The following SLC49A3 variants were observed in gnomAD, a reference collection of about 807,000 sequenced individuals.
SLC49A3 encodes solute carrier family 49 member A3.
SLC49A3 carries 50 observed loss-of-function variants against 43.8 expected under a neutral mutation model. The ratio of observed to expected loss-of-function variants is 1.14; its 90% CI spans 0.91 to 1.45. The LOEUF is 1.45. SLC49A3 is among the 40% of genes most tolerant of loss of function. SLC49A3 has a pLI of 0.00. For synonymous variants in SLC49A3, 413 were observed against 352.0 expected (o/e 1.17, Z -1.94); for missense variants, 906 against 774.1 (o/e 1.17, Z -2.02).
At chr4:681,631 TCCAGCGCCGCCCCGCCCC>T (rs1739589183), downstream of SLC49A3, among the ~76,000 whole-genome samples, 1 of 3,538 alleles carries the variant, frequency 2.8e-4, no homozygotes, top group Non-Finnish European at 6.7e-4. Flanking sequence ...CCCCGCCCCC[TCCAGCGCCGCCCCGCCCC>T]CTCCAGCGCC....
Position 682,073 on chromosome 4 carries a change from G to T in SLC49A3, c.1565C>A (p.Ala522Glu), listed in dbSNP as rs769425848. The change falls in exon 10 of 10, where the codon GCA (alanine) becomes GAA (glutamate). Residue 522 changes from alanine (A) to glutamate (E), a missense_variant. By Grantham distance (107) the Ala-to-Glu change is moderately radical. Coordinates refer to ENST00000322224, the MANE Select transcript of SLC49A3 (RefSeq NM_032219.4). ...HRATPRAQGP[A>E]ATDAPSRPGR... ...GGGGCGGGAGGGCGCGTCGGTGGCT[G>T]CTGGGCCTTGCGCACGGGGAGTCGC... 1 of 1,406,398 alleles carries T rather than the reference G, an allele frequency of 7.1e-7. No homozygotes were observed. The highest frequency in any genetic ancestry group is 2.7e-5 in the East Asian group (1 of 36,472). 87.1% of individuals were successfully genotyped at this position (1,406,398 alleles called of 1,614,324 possible). A position where few individuals can be genotyped will look rare whatever the true frequency, so the allele number is the denominator to read the frequency against.
At chr4:678,740 A>G (rs955492051), downstream of SLC49A3, 9 of 1,611,712 alleles carry the variant, frequency 5.6e-6, no homozygotes, top group African/African-American at 1.2e-4. Context: ...AACTTTGAGC[A>G]GACTCAGATC....
downstream of SLC49A3, chr4:678,044 G>A (rs748216275): frequency 5.6e-6 from 9 of 1,613,180 alleles, no homozygotes; most frequent in East Asian, 2.2e-5. Flanking sequence ...GCAGGCCGCC[G>A]TGCATGCCTG....
Position 685,136 on chromosome 4 carries a change from C to A in SLC49A3, c.586-280G>T, listed in dbSNP as rs951101439. On this transcript the variant is annotated intron_variant, in intron 4 of 9. Transcript: ENST00000322224. This position sits in a 1 kb window ranked among gnomAD's most constrained non-coding sequence, Gnocchi z 4.3. ...AGGCTCCAGACTTACATCTCACTGC[C>A]AGCTGCACAGCCCATGATAGGGCTC... The A allele has an allele frequency of 1.6e-5, 8 of 510,512 alleles. No individual in the cohort carries two copies. Among genetic ancestry groups the A allele is most frequent in the Non-Finnish European group, 2.1e-5 (6 of 288,820 alleles). 31.6% of individuals were successfully genotyped at this position (510,512 alleles called of 1,614,324 possible).
At chr4:676,909 G>A (rs1243848781), downstream of SLC49A3, 10 of 985,386 alleles carry the variant, frequency 1.0e-5, no homozygotes, top group Non-Finnish European at 1.2e-5. Flanking sequence ...AGAGGCCGCT[G>A]GACCTGGGGA....
At chr4:678,494 G>A (rs2109332595), downstream of SLC49A3, 4 of 1,439,768 alleles carry the variant, frequency 2.8e-6, no homozygotes, top group Non-Finnish European at 3.6e-6. Flanking sequence ...CCCAACCCCA[G>A]CTACCCAGGC....
upstream of SLC49A3, among the ~76,000 whole-genome samples, chr4:689,853 G>A (rs1166105256): frequency 6.6e-6 from 1 of 152,216 alleles, no homozygotes; most frequent in East Asian, 1.9e-4. Flanking sequence ...AGGGAGTTTC[G>A]GCTTAGTCTT....
chr4:687,659 G>C (rs1741323160), intron 1 of SLC49A3, among the ~76,000 whole-genome samples: 1 of 152,196 alleles, frequency 6.6e-6, no homozygotes, highest in Non-Finnish European at 1.5e-5. Context: ...AGCGTGCGGG[G>C]CAACGTGGGA....
Position 682,281 on chromosome 4 carries a change from C to G in SLC49A3, c.1357G>C (p.Gly453Arg). The G allele has an allele frequency of 1.5e-6, 2 of 1,353,346 alleles. No individual in the cohort carries two copies. The highest frequency in any genetic ancestry group is 1.9e-6 in the Non-Finnish European group (2 of 1,043,358). 83.8% of individuals were successfully genotyped at this position (1,353,346 alleles called of 1,614,324 possible). Reference sequence around the variant, plus strand: ...GCGTTACGGGTGGAGGGGGGCTCCCCAGACTCGGCCTGCAGGCGCCGGTAT... The same window carrying G: ...GCGTTACGGGTGGAGGGGGGCTCCCGAGACTCGGCCTGCAGGCGCCGGTAT... ...TPYRRLQAES[G>R]EPPSTRNAVG... is the part of the protein sequence containing the mutation. The change falls in exon 10 of 10, where the codon GGG becomes CGG. Residue 453 changes from glycine to arginine, a missense_variant. Transcript: ENST00000322224.
In SLC49A3 at chr4:686,546, C is replaced by T. The variant is rs759827121; in HGVS notation, c.280G>A (p.Gly94Arg). The T allele has an allele frequency of 1.2e-5, 20 of 1,612,508 alleles. No homozygotes were observed. The highest frequency in any genetic ancestry group is 1.0e-4 in the Admixed American group (6 of 60,000). Reference protein sequence around the residue: ...VAAIWILDSVGLRAATILGAW... With the variant: ...VAAIWILDSVRLRAATILGAW... ...GTCTGACTCACCGCCGCACGGAGCC[C>T]GACGGAGTCCAGGATCCAGATGGCC... Residue 94 changes from glycine (G) to arginine (R), a missense_variant, in exon 2 of 10, where the codon GGG becomes AGG. Gly to Arg is a moderately radical substitution (Grantham distance 125). Transcript: ENST00000322224.
rs749281318 is a variant in SLC49A3 at position 682,130 on chromosome 4, C to T, written c.1508G>A (p.Gly503Glu). 3.0e-6 allele frequency: 4 copies of T among 1,344,510 alleles called. No individual in the cohort carries two copies. The highest frequency in any genetic ancestry group is 1.9e-6 in the Non-Finnish European group (2 of 1,036,402). The allele number at this position is 1,344,510 out of a possible 1,614,324, so 83.3% of individuals were successfully genotyped here. A position where few individuals can be genotyped will look rare whatever the true frequency, so the allele number is the denominator to read the frequency against. Residue 503 changes from glycine to glutamate, a missense_variant, in exon 10 of 10, where the codon GGG (glycine) becomes GAG (glutamate). Transcript: ENST00000322224. ...ARGASLEDPR[G>E]PGSPHPACHR... ...GCAGGCTGGGTGGGGGCTCCCGGGC[C>T]CTCTGGGGTCCTCTAGCGAGGCCCC...
At chr4:681,823 G>T (rs1450808616), downstream of SLC49A3, 4 of 1,268,604 alleles carry the variant, frequency 3.2e-6, no homozygotes, top group African/African-American at 3.1e-5. Context: ...CCACACCCGG[G>T]GCCGCTGCAG....
chr4:678,186 GTGTA>G (rs2109330066), downstream of SLC49A3: 4 of 1,530,030 alleles, frequency 2.6e-6, no homozygotes, highest in East Asian at 7.4e-5. Context: ...GCATGAGCGT[GTGTA>G]TGTGCGTGTG....
Position 682,043 on chromosome 4 carries a change from C to G in SLC49A3, c.1595G>C (p.Arg532Thr). 7.0e-7 allele frequency: 1 copy of G among 1,422,742 alleles called. No homozygotes were observed. Among genetic ancestry groups the G allele is most frequent in the South Asian group, 1.5e-5 (1 of 66,284 alleles). The allele number at this position is 1,422,742 out of a possible 1,614,324, so 88.1% of individuals were successfully genotyped here. ...GGACGCTTGGACCCTGCCTGCGAGT[C>G]TGCCGGGGCGGGAGGGCGCGTCGGT... ...AATDAPSRPG[R>T]LAGRVQASRF... The change falls in exon 10 of 10, where the codon AGA (arginine) becomes ACA (threonine). Residue 532 changes from arginine to threonine, a missense_variant. By Grantham distance (71) the Arg-to-Thr change is moderately conservative. Coordinates refer to ENST00000322224, the MANE Select transcript of SLC49A3 (RefSeq NM_032219.4).
chr4:676,913 C>T (rs1214509817), downstream of SLC49A3: 5 of 985,406 alleles, frequency 5.1e-6, no homozygotes, highest in Non-Finnish European at 4.8e-6. Context: ...GCCGCTGGAC[C>T]TGGGGATGGC....
chr4:689,113 C>T lies in SLC49A3; in HGVS notation c.15G>A (p.Thr5=). MAGP[T]EAETGLAEPR... is the part of the protein sequence containing the mutation. ...GCTCGGCCAACCCCGTCTCGGCCTC[C>T]GTCGGCCCCGCCATCGTCGGCGGCC... Residue 5 remains threonine, a synonymous_variant, in exon 1 of 10, where the codon ACG becomes ACA. Transcript: ENST00000322224. The T allele has an allele frequency of 7.1e-7, 1 of 1,416,368 alleles. No homozygotes were observed. Among genetic ancestry groups the T allele is most frequent in the Middle Eastern group, 2.2e-4 (1 of 4,528 alleles). The allele number at this position is 1,416,368 out of a possible 1,614,324, so 87.7% of individuals were successfully genotyped here.
At chr4:688,793 G>T in intron 1 of SLC49A3, 200 bp downstream of exon 1, 1 of 794,820 alleles carries the variant, frequency 1.3e-6, no homozygotes, top group Non-Finnish European at 1.8e-6. Context: ...GGGGCACCCA[G>T]CCCTGCTCTG....
At position 686,164 on chromosome 4, in the gene SLC49A3, A is replaced by T; in HGVS notation, c.433T>A (p.Phe145Ile). 2 of 1,613,412 alleles carry T rather than the reference A, an allele frequency of 1.2e-6. No homozygotes were observed. The highest frequency in any genetic ancestry group is 1.7e-6 in the Non-Finnish European group (2 of 1,180,016). The change falls in exon 3 of 10, where the codon TTC becomes ATC. Residue 145 changes from phenylalanine (F) to isoleucine (I), a missense_variant. Phe to Ile is a conservative substitution (Grantham distance 21). Coordinates refer to ENST00000322224, the MANE Select transcript of SLC49A3 (RefSeq NM_032219.4). The stretch of plus-strand genomic sequence containing the variant: ...AAGGCAGCCAGCTTGGCTGGAGAGA[A>T]GATGACCAGGCTCTGGGCAAGGGCA... ...LCALAQSLVI[F>I]SPAKLAALWF...
chr4:683,466 C>T (rs1392327953), intron 7 of SLC49A3, 99 bp from the exon 8 acceptor site: 1 of 1,510,076 alleles, frequency 6.6e-7, no homozygotes, highest in South Asian at 1.3e-5. Flanking sequence ...GAGAACCCAT[C>T]CCACCCCGGG....
Sources: allele counts gnomAD v4.1 joint callset (sites outside exome capture counted in the v4.1 genomes callset), GRCh38; gene constraint gnomAD v4.1.1; non-coding constraint Gnocchi (gnomAD v3.1); transcripts MANE v1.5; gene names NCBI Gene and HGNC (gene_info 2026-07-23, HGNC 2026-07-21).